The following RPS6KA5 variants were observed in gnomAD, a reference collection of about 807,000 sequenced individuals.
The protein encoded by RPS6KA5 is ribosomal protein S6 kinase alpha-5.
Under a neutral mutation model 85.5 loss-of-function variants are expected in RPS6KA5, and 27 were observed. That is an observed-to-expected ratio of 0.32 (90% confidence interval 0.23 to 0.44). The LOEUF is 0.44. RPS6KA5 is among the 20% of genes least tolerant of loss of function. The pLI is 1.00. For synonymous variants in RPS6KA5, 334 were observed against 348.2 expected (o/e 0.96, Z 0.46); for missense variants, 811 against 980.9 (o/e 0.83, Z 2.31).
intron 2 of RPS6KA5, among the ~76,000 whole-genome samples, chr14:90,997,595 AG>A (rs2040586463): frequency 6.6e-6 from 1 of 152,208 alleles, no homozygotes; most frequent in Non-Finnish European, 1.5e-5. Context: ...TGCCCAGGCT[AG>A]TCTCCAAAGC....
In RPS6KA5 at chr14:90,936,536, A is replaced by G. The variant is rs1031837943; in HGVS notation, c.618+6542T>C. Among the ~76,000 whole-genome samples the G allele has an allele frequency of 9.9e-5, 15 of 152,136 alleles. 1 individual carries two copies. The highest frequency in any genetic ancestry group is 1.6e-4 in the Non-Finnish European group (11 of 68,034). On this transcript the variant is annotated intron_variant, in intron 5 of 16. Transcript: ENST00000614987. ...CCGATCTTGCCACGCTGGGTGACAG[A>G]CCAAGACCCCATCTTTTAAAAAAAA...
At chr14:90,960,455 A>T (rs1469241623) in intron 3 of RPS6KA5, among the ~76,000 whole-genome samples, 1 of 152,210 alleles carries the variant, frequency 6.6e-6, no homozygotes, top group Non-Finnish European at 1.5e-5. Context: ...CAAAGTGGTC[A>T]GTGATATCAT....
At chr14:90,954,055 C>T (rs1011622096) in intron 3 of RPS6KA5, among the ~76,000 whole-genome samples, 2 of 152,206 alleles carry the variant, frequency 1.3e-5, no homozygotes, top group Non-Finnish European at 2.9e-5. Context: ...GGCTTTAAGG[C>T]TCAGGTGGGC....
At chr14:90,940,147 C>A (rs1008577086) in intron 5 of RPS6KA5, among the ~76,000 whole-genome samples, 1 of 152,068 alleles carries the variant, frequency 6.6e-6, no homozygotes, top group Non-Finnish European at 1.5e-5. Context: ...TCCTCTAGGG[C>A]TAACAGGAAG....
chr14:90,960,072 C>T (rs1316186358), intron 3 of RPS6KA5, among the ~76,000 whole-genome samples: 1 of 152,126 alleles, frequency 6.6e-6, no homozygotes, highest in African/African-American at 2.4e-5. Context: ...CTGAATTTTA[C>T]CCCTGCTTGG....
At chr14:91,029,553 G>A (rs1485624430) in intron 1 of RPS6KA5, among the ~76,000 whole-genome samples, 1 of 152,106 alleles carries the variant, frequency 6.6e-6, no homozygotes, top group South Asian at 2.1e-4. Context: ...CATTGCATAG[G>A]ACCCATTTAC....
At chr14:90,923,865 TCATGC>T (rs2036528661) in intron 5 of RPS6KA5, among the ~76,000 whole-genome samples, 1 of 152,124 alleles carries the variant, frequency 6.6e-6, no homozygotes, top group African/African-American at 2.4e-5. Context: ...GGCTAATATA[TCATGC>T]CTGAAAGTTA....
intron 3 of RPS6KA5, among the ~76,000 whole-genome samples, chr14:90,971,210 G>A (rs796149312): frequency 1.5e-4 from 23 of 152,154 alleles, no homozygotes; most frequent in African/African-American, 5.1e-4. Flanking sequence ...CCAGCTACTC[G>A]GGAGGCTGAG....
At chr14:90,977,297 G>A (rs2039609875) in intron 3 of RPS6KA5, among the ~76,000 whole-genome samples, 1 of 152,158 alleles carries the variant, frequency 6.6e-6, no homozygotes, top group East Asian at 1.9e-4. Context: ...GGACCAAAAT[G>A]GTAACAGATA....
chr14:91,057,334 C>A (rs1275951886), intron 1 of RPS6KA5, among the ~76,000 whole-genome samples: 1 of 152,126 alleles, frequency 6.6e-6, no homozygotes, highest in Non-Finnish European at 1.5e-5. Context: ...ACTGGTAATA[C>A]AATAAACTTA....
chr14:90,943,408 G>A (rs958848554), intron 4 of RPS6KA5, among the ~76,000 whole-genome samples: 1 of 151,984 alleles, frequency 6.6e-6, no homozygotes. Flanking sequence ...TGTGCACAGG[G>A]TCTACCTTGT....
chr14:90,899,238 T>A (rs11850256), intron 12 of RPS6KA5, 91 bp downstream of exon 12: 1 of 869,984 alleles, frequency 1.1e-6, no homozygotes, highest in Non-Finnish European at 1.8e-6. Flanking sequence ...TCCCTGACTC[T>A]GACCCAGCAG....
At chr14:90,903,063 G>A (rs1291421317) in intron 8 of RPS6KA5, 94 bp from the exon 9 acceptor site, 4 of 1,035,614 alleles carry the variant, frequency 3.9e-6, no homozygotes, top group Non-Finnish European at 5.7e-6. Context: ...GACTGGTAGG[G>A]AGAGAGGATA....
chr14:90,904,465 C>T lies in RPS6KA5; in HGVS notation c.958-1496G>A, dbSNP rs1052132817. 1.4e-4 allele frequency among the ~76,000 whole-genome samples: 21 copies of T among 152,124 alleles called. 1 individual carries two copies. Among genetic ancestry groups the T allele is most frequent in the Non-Finnish European group, 1.5e-5 (1 of 68,020 alleles). ...GAGAAATAAGAAATAACCTTTTCAC[C>T]CAAACACCAGTTGGTGGAAGAGTCA... On this transcript the variant is annotated intron_variant, in intron 8 of 16. Coordinates refer to ENST00000614987, the MANE Select transcript of RPS6KA5 (RefSeq NM_004755.4).
chr14:91,029,663 G>A (rs1242165917), intron 1 of RPS6KA5, among the ~76,000 whole-genome samples: 1 of 152,132 alleles, frequency 6.6e-6, no homozygotes, highest in East Asian at 1.9e-4. Flanking sequence ...GGCCTTATAG[G>A]ATTTGTTGTG....
chr14:91,010,659 A>T (rs1308949587), intron 1 of RPS6KA5, among the ~76,000 whole-genome samples: 1 of 152,256 alleles, frequency 6.6e-6, no homozygotes, highest in Non-Finnish European at 1.5e-5. Context: ...ACAAAACAAT[A>T]ACAATTCTGT....
intron 3 of RPS6KA5, among the ~76,000 whole-genome samples, chr14:90,976,617 G>A (rs1162241191): frequency 2.6e-5 from 4 of 152,070 alleles, no homozygotes; most frequent in Non-Finnish European, 4.4e-5. Flanking sequence ...GTTCATGTGG[G>A]TAGATACTGA....
chr14:90,945,396 A>G (rs2037820899), intron 4 of RPS6KA5, among the ~76,000 whole-genome samples: 1 of 152,246 alleles, frequency 6.6e-6, no homozygotes, highest in Non-Finnish European at 1.5e-5. Flanking sequence ...AACAACCAGG[A>G]GATGCTTTTT....
chr14:91,046,749 C>T (rs1392928868), intron 1 of RPS6KA5, among the ~76,000 whole-genome samples: 1 of 151,582 alleles, frequency 6.6e-6, no homozygotes, highest in African/African-American at 2.4e-5. Context: ...TTAAGTATGC[C>T]CCCATTTTAT....
Sources: allele counts gnomAD v4.1 joint callset (sites outside exome capture counted in the v4.1 genomes callset), GRCh38; gene constraint gnomAD v4.1.1; transcripts MANE v1.5; gene names NCBI Gene and HGNC (gene_info 2026-07-23, HGNC 2026-07-21).